The following FGFR3 variants were observed in gnomAD, a reference collection of about 807,000 sequenced individuals.
FGFR3 encodes fibroblast growth factor receptor 3, also known as FGFR-3.
Under a neutral mutation model 82.9 loss-of-function variants are expected in FGFR3, and 25 were observed. The observed-to-expected ratio is 0.30, with a 90% CI of 0.22 to 0.42. FGFR3 has a LOEUF of 0.42. FGFR3 is among the 10% of genes least tolerant of loss of function. The pLI, the probability that FGFR3 is intolerant of heterozygous loss-of-function variation, is 1.00. For synonymous variants in FGFR3, 620 were observed against 516.0 expected (o/e 1.20, Z -2.73); for missense variants, 1,026 against 1,161.0 (o/e 0.88, Z 1.69).
At chr4:1,794,092 A>G in intron 2 of FGFR3, 49 bp downstream of exon 2, 2 of 1,164,732 alleles carry the variant, frequency 1.7e-6, no homozygotes, top group Non-Finnish European at 1.1e-6. Context: ...GTGCGGGCAG[A>G]GGCGTTGGGG....
intron 9 of FGFR3, 145 bp from the exon 10 acceptor site, chr4:1,804,679 T>A: frequency 7.0e-7 from 1 of 1,423,904 alleles, no homozygotes; most frequent in Non-Finnish European, 9.7e-7. Flanking sequence ...CTAGGGTACT[T>A]TGGGGCACGA....
intron 15 of FGFR3, 96 bp from the exon 16 acceptor site, chr4:1,806,450 G>A: frequency 6.2e-7 from 1 of 1,602,624 alleles, no homozygotes; most frequent in Non-Finnish European, 8.5e-7. Context: ...ACCCCTCCCT[G>A]GGGGCAGCAG....
At position 1,807,293 on chromosome 4, in the gene FGFR3, TC is replaced by T; in HGVS notation, c.*34del. On this transcript the variant is annotated 3_prime_UTR_variant, in exon 18 of 18. Transcript: ENST00000440486. ...CACTGGTCCCCAACAATGTGAGGGG[TC>T]CCTAGCAGCCCACCCTGCTGCTGGT... 1 of 1,571,750 alleles carries T rather than the reference TC, an allele frequency of 6.4e-7. No individual in the cohort carries two copies. Among genetic ancestry groups the T allele is most frequent in the African/African-American group, 1.4e-5 (1 of 73,882 alleles).
intron 7 of FGFR3, among the ~76,000 whole-genome samples, 185 bp downstream of exon 7, chr4:1,802,210 G>T (rs909216664): frequency 6.6e-6 from 1 of 152,194 alleles, no homozygotes; most frequent in African/African-American, 2.4e-5. Flanking sequence ...AGGCAGCTGC[G>T]TTGGGACCCG....
At chr4:1,806,365 G>A (rs1721918841) in intron 15 of FGFR3, 38 bp downstream of exon 15, 1 of 1,611,388 alleles carries the variant, frequency 6.2e-7, no homozygotes, top group African/African-American at 1.3e-5. Context: ...AGGGGTGGAG[G>A]CGGGAACTGG....
Position 1,806,671 on chromosome 4 carries a change from G to C in FGFR3, c.2156G>C (p.Cys719Ser), listed in dbSNP as rs2108812604. The change falls in exon 16 of 18, where the codon TGC (cysteine) becomes TCC (serine). Residue 719 changes from cysteine to serine, a missense_variant. This residue lies in a region of FGFR3 where 155 missense variants were observed against 150.2 expected (regional missense o/e 1.03). Transcript: ENST00000440486. ...EGHRMDKPAN[C>S]THDLYMIMRE... ...CACCGCATGGACAAGCCCGCCAACT[G>C]CACACACGACCTGTGAGTGGCATCC... The C allele has an allele frequency of 6.2e-7, 1 of 1,610,604 alleles. No homozygotes were observed. Among genetic ancestry groups the C allele is most frequent in the Non-Finnish European group, 8.5e-7 (1 of 1,179,312 alleles).
In FGFR3 at chr4:1,804,792, C is replaced by T. The variant is rs3135890; in HGVS notation, c.1267-32C>T. On this transcript the variant is annotated intron_variant, in intron 9 of 17. Coordinates refer to ENST00000440486, the MANE Select transcript of FGFR3 (RefSeq NM_000142.5). The stretch of plus-strand genomic sequence containing the variant: ...GTACCTCCACGCCCTGTCGCCCACG[C>T]GGCGCCAACCTGCCCCTGCTGACCC... The T allele has an allele frequency of 0.11, 176,747 of 1,548,494 alleles. 10,798 individuals are homozygous for T. The highest frequency in any genetic ancestry group is 0.2 in the East Asian group (8,178 of 40,902).
rs1006526434 is a variant in FGFR3 at position 1,806,468 on chromosome 4, C to T, written c.2031-78C>T. 34 of 1,610,798 alleles carry T rather than the reference C, an allele frequency of 2.1e-5. No homozygotes were observed. The Admixed American group carries it at 5.3e-4, about 25-fold the overall frequency. Reference sequence around the variant, plus strand: ...CCTCCCTGGGGGCAGCAGCGCAGCCCTGGCCTATTCCCCTGGTGCCCGCCC... The same window carrying T: ...CCTCCCTGGGGGCAGCAGCGCAGCCTTGGCCTATTCCCCTGGTGCCCGCCC... On this transcript the variant is annotated intron_variant, in intron 15 of 17. Transcript: ENST00000440486.
chr4:1,799,655 C>T, intron 3 of FGFR3, 92 bp from the exon 4 acceptor site: 1 of 1,571,220 alleles, frequency 6.4e-7, no homozygotes, highest in Non-Finnish European at 8.6e-7. Flanking sequence ...GGAAGTGCTG[C>T]CCAAATGGGG....
At position 1,806,924 on chromosome 4, in the gene FGFR3, C is replaced by T. The variant is rs752294041; in HGVS notation, c.2264C>T (p.Thr755Met). The stretch of plus-strand genomic sequence containing the variant: ...GACCTGGACCGTGTCCTTACCGTGA[C>T]GTCCACCGACGTGAGTGCTGGCTCT... ...VEDLDRVLTV[T>M]STDEYLDLSA... The change falls in exon 17 of 18, where the codon ACG (threonine) becomes ATG (methionine). Residue 755 changes from threonine (T) to methionine (M), a missense_variant. By Grantham distance (81) the Thr-to-Met change is moderately conservative. Transcript: ENST00000440486. 2.6e-5 allele frequency: 41 copies of T among 1,606,192 alleles called. No homozygotes were observed. The Middle Eastern group carries it at 4.9e-4, about 19-fold the overall frequency.
Position 1,801,590 on chromosome 4 carries a change from G to A in FGFR3, c.616-30G>A, listed in dbSNP as rs372387192. 767 of 1,593,072 alleles carry A rather than the reference G, an allele frequency of 4.8e-4. 6 individuals are homozygous for A. The highest frequency in any genetic ancestry group is 9.9e-4 in the Middle Eastern group (6 of 6,032). On this transcript the variant is annotated intron_variant, in intron 5 of 17. Coordinates refer to ENST00000440486, the MANE Select transcript of FGFR3 (RefSeq NM_000142.5). ...GGCAGGCGCGGTGGTTGCTGCCTCC[G>A]CTCACTCACCCGCCCGCGTCCCGGT...
Position 1,805,350 on chromosome 4 carries a change from G to A in FGFR3, c.1413-5G>A, listed in dbSNP as rs754899022. The A allele has an allele frequency of 1.2e-6, 2 of 1,611,196 alleles. No individual in the cohort carries two copies. The highest frequency in any genetic ancestry group is 2.7e-5 in the African/African-American group (2 of 74,908). ...CACTCATGGTCCCTCTGCCTCCACT[G>A]CCAGGCTGACCCTGGGCAAGCCCCT... On this transcript the variant is annotated splice_polypyrimidine_tract_variant and splice_region_variant and intron_variant, in intron 10 of 17. Coordinates refer to ENST00000440486, the MANE Select transcript of FGFR3 (RefSeq NM_000142.5).
chr4:1,807,212 C>A lies in FGFR3; in HGVS notation c.2371C>A (p.His791Asn), dbSNP rs2108818133. ...CTCAGGGGACGACTCCGTGTTTGCC[C>A]ACGACCTGCTGCCCCCGGCCCCACC... Reference protein sequence around the residue: ...SSSGDDSVFAHDLLPPAPPSS... With the variant: ...SSSGDDSVFANDLLPPAPPSS... The change falls in exon 18 of 18, where the codon CAC becomes AAC. Residue 791 changes from histidine (H) to asparagine (N), a missense_variant. This residue lies in a region of FGFR3 where 155 missense variants were observed against 150.2 expected (regional missense o/e 1.03). Coordinates refer to ENST00000440486, the MANE Select transcript of FGFR3 (RefSeq NM_000142.5). 6.2e-7 allele frequency: 1 copy of A among 1,608,540 alleles called. No individual in the cohort carries two copies. The highest frequency in any genetic ancestry group is 2.2e-5 in the East Asian group (1 of 44,660).
rs529524792 is a variant in FGFR3 at position 1,804,585 on chromosome 4, G to C, written c.1266+65G>C. 3 of 1,588,574 alleles carry C rather than the reference G, an allele frequency of 1.9e-6. No homozygotes were observed. In the African/African-American group the frequency reaches 4.0e-5, roughly 21 times the overall value. Reference sequence around the variant, plus strand: ...GCCAGGCCTCCTGGAGCCCCACCTCGGCCCACGCTGGTCCTGGGCTGTGTG... The same window carrying C: ...GCCAGGCCTCCTGGAGCCCCACCTCCGCCCACGCTGGTCCTGGGCTGTGTG... On this transcript the variant is annotated intron_variant, in intron 9 of 17. Transcript: ENST00000440486.
intron 9 of FGFR3, 137 bp downstream of exon 9, chr4:1,804,657 A>C: frequency 7.0e-7 from 1 of 1,419,952 alleles, no homozygotes; most frequent in South Asian, 1.2e-5. Flanking sequence ...GTCTCTGCTC[A>C]CCATGTAGAG....
At chr4:1,806,004 G>T in intron 13 of FGFR3, 47 bp from the exon 14 acceptor site, 2 of 1,611,886 alleles carry the variant, frequency 1.2e-6, no homozygotes, top group Non-Finnish European at 1.7e-6. Flanking sequence ...TGGGAGCAGC[G>T]GGGAGAGGTG....
rs1238919542 is a variant in FGFR3 at position 1,806,944 on chromosome 4, G to A, written c.2274+10G>A. 2 of 1,591,146 alleles carry A rather than the reference G, an allele frequency of 1.3e-6. No individual in the cohort carries two copies. The highest frequency in any genetic ancestry group is 1.7e-6 in the Non-Finnish European group (2 of 1,168,900). Reference sequence around the variant, plus strand: ...CGTGACGTCCACCGACGTGAGTGCTGGCTCTGGCCTGGTGCCACCCGCCTA... The same window carrying A: ...CGTGACGTCCACCGACGTGAGTGCTAGCTCTGGCCTGGTGCCACCCGCCTA... On this transcript the variant is annotated intron_variant, in intron 17 of 17. Transcript: ENST00000440486.
intron 4 of FGFR3, among the ~76,000 whole-genome samples, chr4:1,800,152 G>A (rs941169297): frequency 1.3e-5 from 2 of 152,064 alleles, no homozygotes; most frequent in South Asian, 2.1e-4. Flanking sequence ...AGACATTAGC[G>A]CAGCAGGGCA....
chr4:1,800,311 G>C (rs1043350335), intron 4 of FGFR3, among the ~76,000 whole-genome samples: 1 of 152,068 alleles, frequency 6.6e-6, no homozygotes, highest in African/African-American at 2.4e-5. Flanking sequence ...ACGATGCCTG[G>C]CGTCCCGGCC....
Sources: gnomAD v4.1 joint callset for allele counts (sites outside exome capture counted in the v4.1 genomes callset) on GRCh38, gnomAD v4.1.1 for gene constraint, gnomAD v4.1.1 regional missense constraint, MANE v1.5 for transcripts, NCBI Gene and HGNC (gene_info 2026-07-23, HGNC 2026-07-21) for gene names.